The following GALNT13 variants were observed in gnomAD, a reference collection of about 807,000 sequenced individuals.
GALNT13 encodes polypeptide N-acetylgalactosaminyltransferase 13, also known as UDP-GalNAc:polypeptide N-acetylgalactosaminyltransferase 13.
GALNT13 carries 28 observed loss-of-function variants against 64.2 expected under a neutral mutation model. That is an observed-to-expected ratio of 0.44 (90% confidence interval 0.32 to 0.60). The LOEUF is 0.60. Ranked by LOEUF, GALNT13 falls within the 20% of genes least tolerant of loss-of-function variation. The probability of loss-of-function intolerance (pLI) is 0.05; values close to 1 mark genes in which losing one functional copy is unlikely to be tolerated. For missense variants in GALNT13, 577 were observed against 669.8 expected, an observed-to-expected ratio of 0.86 and a Z score of 1.53; for synonymous variants, 214 against 224.6, an observed-to-expected ratio of 0.95 and a Z score of 0.42.
At chr2:154,435,429 T>G (rs1700915949) in intron 11 of GALNT13, among the ~76,000 whole-genome samples, 1 of 152,070 alleles carries the variant, frequency 6.6e-6, no homozygotes, top group African/African-American at 2.4e-5. Context: ...AGAGTGTCTG[T>G]GGAGTAGTGA....
At chr2:153,666,811 A>C in the GALNT13 span, among the ~76,000 whole-genome samples, 1 of 152,304 alleles carries the variant, frequency 6.6e-6, no homozygotes, top group Middle Eastern at 3.4e-3. Flanking sequence ...GGTTTTTAAC[A>C]AGGCTGAGAT....
chr2:154,278,455 GGGTT>G (rs1159791372), intron 8 of GALNT13, among the ~76,000 whole-genome samples: 1 of 152,116 alleles, frequency 6.6e-6, no homozygotes, highest in Non-Finnish European at 1.5e-5. Flanking sequence ...ATGTGTTGCA[GGGTT>G]GAGGCAAAGG....
chr2:153,284,218 C>A, the GALNT13 span, among the ~76,000 whole-genome samples: 1 of 152,136 alleles, frequency 6.6e-6, no homozygotes, highest in Non-Finnish European at 1.5e-5. Flanking sequence ...CACACACAGA[C>A]CTGTTCTGTA....
the GALNT13 span, among the ~76,000 whole-genome samples, chr2:153,490,010 C>A: frequency 1.3e-5 from 2 of 148,584 alleles, no homozygotes; most frequent in African/African-American, 2.6e-5. Flanking sequence ...CACACACACA[C>A]AAACACACAA....
chr2:153,424,791 A>C, the GALNT13 span, among the ~76,000 whole-genome samples: 4 of 151,888 alleles, frequency 2.6e-5, no homozygotes, highest in Non-Finnish European at 5.9e-5. Flanking sequence ...GAAAACATAG[A>C]AAGGTGTGCT....
At chr2:153,859,472 A>G in the GALNT13 span, among the ~76,000 whole-genome samples, 2 of 151,988 alleles carry the variant, frequency 1.3e-5, no homozygotes. Context: ...TTCTCTCCTT[A>G]CTTACTTCAT....
intron 8 of GALNT13, among the ~76,000 whole-genome samples, chr2:154,288,166 G>A (rs933741697): frequency 2.0e-5 from 3 of 152,150 alleles, no homozygotes; most frequent in African/African-American, 7.2e-5. Flanking sequence ...GCAGGAAAGA[G>A]CGCTTGTGTA....
the GALNT13 span, among the ~76,000 whole-genome samples, chr2:153,329,948 T>A: frequency 2.6e-5 from 4 of 152,212 alleles, no homozygotes; most frequent in African/African-American, 9.6e-5. Flanking sequence ...TGAGATAATT[T>A]TTCTATATAG....
chr2:153,172,237 G>A, the GALNT13 span: 1 of 152,186 alleles, frequency 6.6e-6, no homozygotes, highest in Non-Finnish European at 1.5e-5. Context: ...GACTGTATTA[G>A]TGTTAGAGGG....
intron 3 of GALNT13, among the ~76,000 whole-genome samples, chr2:154,027,559 A>G (rs539368298): frequency 1.3e-5 from 2 of 152,182 alleles, no homozygotes; most frequent in African/African-American, 4.8e-5. Context: ...TTTGAATGAC[A>G]TGTGAGATAT....
the GALNT13 span, among the ~76,000 whole-genome samples, chr2:153,099,818 T>A: frequency 6.6e-6 from 1 of 152,198 alleles, no homozygotes; most frequent in Admixed American, 6.5e-5. Context: ...TCTCCTTATA[T>A]CTTCTCACAC....
the GALNT13 span, among the ~76,000 whole-genome samples, chr2:153,687,229 C>G: frequency 6.6e-6 from 1 of 152,010 alleles, no homozygotes; most frequent in African/African-American, 2.4e-5. Flanking sequence ...ACCAGCTCTT[C>G]TTTGTACACC....
the GALNT13 span, among the ~76,000 whole-genome samples, chr2:153,549,075 C>G: frequency 0.57 from 87,327 of 151,988 alleles, 28,172 homozygotes; most frequent in African/African-American, 0.86. Context: ...CATAGAGACA[C>G]AAAATAGATT....
At chr2:153,901,853 T>C (rs1294575105) in intron 2 of GALNT13, among the ~76,000 whole-genome samples, 1 of 152,162 alleles carries the variant, frequency 6.6e-6, no homozygotes, top group Non-Finnish European at 1.5e-5. Context: ...TATAATACCT[T>C]ACTCTTCTAT....
At chr2:154,086,887 GAACA>G (rs766546172) in intron 3 of GALNT13, among the ~76,000 whole-genome samples, 2 of 152,062 alleles carry the variant, frequency 1.3e-5, no homozygotes, top group African/African-American at 2.4e-5. Flanking sequence ...TGTCTAGATA[GAACA>G]AACAAATATC....
At chr2:153,977,589 T>C (rs888371741) in intron 3 of GALNT13, among the ~76,000 whole-genome samples, 10 of 152,148 alleles carry the variant, frequency 6.6e-5, no homozygotes, top group Non-Finnish European at 1.5e-4. Flanking sequence ...GTGGGGATTA[T>C]GGGAACTACA....
chr2:153,241,033 C>T, the GALNT13 span, among the ~76,000 whole-genome samples: 2 of 152,126 alleles, frequency 1.3e-5, no homozygotes, highest in African/African-American at 4.8e-5. Context: ...GAAAGGGATA[C>T]TCTTAAAGTT....
At chr2:154,336,740 T>C (rs1168927801) in intron 9 of GALNT13, among the ~76,000 whole-genome samples, 1 of 152,018 alleles carries the variant, frequency 6.6e-6, no homozygotes, top group Non-Finnish European at 1.5e-5. Flanking sequence ...TGGAATTTGA[T>C]TGTGGTTGTT....
the GALNT13 span, among the ~76,000 whole-genome samples, chr2:153,783,717 T>C: frequency 6.6e-6 from 1 of 152,164 alleles, no homozygotes; most frequent in Admixed American, 6.5e-5. Context: ...GTTCTCATAG[T>C]GCGTGAGTTC....
Sources: gnomAD v4.1 joint callset for allele counts (sites outside exome capture counted in the v4.1 genomes callset) on GRCh38, gnomAD v4.1.1 for gene constraint, MANE v1.5 for transcripts, NCBI Gene and HGNC (gene_info 2026-07-23, HGNC 2026-07-21) for gene names.